Variants in GRM7 observed in about 807,000 individuals in gnomAD.
GRM7 encodes metabotropic glutamate receptor 7.
GRM7 carries 35 observed loss-of-function variants against 84.5 expected under a neutral mutation model. The ratio of observed to expected loss-of-function variants is 0.41; its 90% CI spans 0.32 to 0.55. The LOEUF (loss-of-function observed/expected upper bound fraction) is 0.55, where lower values mean the gene tolerates loss of function less well. GRM7 is among the 20% of genes least tolerant of loss of function. The pLI is 0.19. For missense variants in GRM7, 1,003 were observed against 1,194.6 expected, an observed-to-expected ratio of 0.84 and a Z score of 2.36; for synonymous variants, 487 against 455.1, an observed-to-expected ratio of 1.07 and a Z score of -0.89.
At chr3:7,178,234 A>G (rs1050009851) in intron 2 of GRM7, among the ~76,000 whole-genome samples, 7 of 152,234 alleles carry the variant, frequency 4.6e-5, no homozygotes, top group African/African-American at 1.7e-4. Context: ...TGAAAGTAAC[A>G]TCTCCAATAT....
At chr3:6,884,193 G>T (rs747566022) in intron 1 of GRM7, 1 of 152,574 alleles carries the variant, frequency 6.6e-6, no homozygotes, top group Admixed American at 6.6e-5. Flanking sequence ...AAGTACAGTA[G>T]CTACCTGTTC....
chr3:6,889,008 T>C (rs1407760191), intron 1 of GRM7, among the ~76,000 whole-genome samples: 1 of 152,188 alleles, frequency 6.6e-6, no homozygotes, highest in Admixed American at 6.5e-5. Flanking sequence ...GAATGGGAGT[T>C]CACTCATGAT....
chr3:6,959,456 G>A (rs1159080267), intron 1 of GRM7, among the ~76,000 whole-genome samples: 2 of 151,958 alleles, frequency 1.3e-5, no homozygotes, highest in Non-Finnish European at 2.9e-5. Flanking sequence ...CCCTAATCAT[G>A]GAAAATAAAT....
intron 7 of GRM7, among the ~76,000 whole-genome samples, chr3:7,530,273 T>C (rs889687199): frequency 3.3e-5 from 5 of 152,106 alleles, no homozygotes; most frequent in Non-Finnish European, 7.4e-5. Flanking sequence ...GACATGAACT[T>C]ATCCTTTTTA....
chr3:7,393,988 T>C (rs543169218), intron 4 of GRM7, among the ~76,000 whole-genome samples: 31 of 152,292 alleles, frequency 2.0e-4, no homozygotes, highest in African/African-American at 5.8e-4. Context: ...GTATGTATTT[T>C]ACCTATGTCA....
chr3:7,515,840 G>A (rs1410240079), intron 7 of GRM7, among the ~76,000 whole-genome samples: 4 of 151,952 alleles, frequency 2.6e-5, no homozygotes, highest in African/African-American at 7.3e-5. Context: ...GCATGAGGCT[G>A]ATATAAAAAT....
intron 1 of GRM7, among the ~76,000 whole-genome samples, chr3:7,042,092 T>C (rs924401209): frequency 2.0e-5 from 3 of 152,186 alleles, no homozygotes; most frequent in African/African-American, 7.2e-5. Context: ...CTGTATCCTT[T>C]GTAATATCTT....
At chr3:7,272,967 A>C (rs1272041918) in intron 2 of GRM7, among the ~76,000 whole-genome samples, 3 of 151,796 alleles carry the variant, frequency 2.0e-5, no homozygotes, top group Admixed American at 6.6e-5. Context: ...TTATTTTTTT[A>C]ATACATGCAT....
At chr3:7,047,079 A>G (rs1000867029) in intron 1 of GRM7, among the ~76,000 whole-genome samples, 7 of 151,984 alleles carry the variant, frequency 4.6e-5, no homozygotes, top group Admixed American at 6.6e-5. Context: ...TTGCAATAGT[A>G]TATACCAAGG....
intron 8 of GRM7, among the ~76,000 whole-genome samples, chr3:7,656,047 G>T (rs6796776): frequency 0.11 from 15,989 of 152,142 alleles, 1,411 homozygotes; most frequent in African/African-American, 0.24. Flanking sequence ...AAATGTAAAT[G>T]CATCTGGCAC....
intron 2 of GRM7, among the ~76,000 whole-genome samples, chr3:7,208,930 C>A (rs1324420557): frequency 6.6e-6 from 1 of 152,184 alleles, no homozygotes; most frequent in Admixed American, 6.5e-5. Flanking sequence ...TTCAGTAATA[C>A]TGTCTGTGCA....
intron 7 of GRM7, among the ~76,000 whole-genome samples, chr3:7,550,321 TTCC>T (rs1693389107): frequency 8.0e-6 from 1 of 124,676 alleles, no homozygotes; most frequent in Non-Finnish European, 1.6e-5. Context: ...CCTTCCTGTC[TTCC>T]TCCCTTTCAC....
intron 2 of GRM7, among the ~76,000 whole-genome samples, chr3:7,276,249 GTATA>G (rs879488767): frequency 2.1e-5 from 3 of 143,660 alleles, no homozygotes; most frequent in African/African-American, 2.6e-5. Context: ...GTGTGTGTGT[GTATA>G]TATAATTGTC....
chr3:7,529,217 C>T (rs565494521), intron 7 of GRM7, among the ~76,000 whole-genome samples: 1 of 152,080 alleles, frequency 6.6e-6, no homozygotes, highest in East Asian at 1.9e-4. Flanking sequence ...TGCCAAGCTC[C>T]TATTAGTCAT....
chr3:6,991,165 C>T (rs760942548), intron 1 of GRM7, among the ~76,000 whole-genome samples: 2 of 152,186 alleles, frequency 1.3e-5, no homozygotes, highest in Admixed American at 6.5e-5. Flanking sequence ...CATGAGATTA[C>T]TTCTTCCCTG....
chr3:6,978,340 C>T (rs1013897126), intron 1 of GRM7, among the ~76,000 whole-genome samples: 1 of 152,048 alleles, frequency 6.6e-6, no homozygotes, highest in South Asian at 2.1e-4. Context: ...CCCCCAACAC[C>T]TTGATTATAA....
At chr3:7,595,114 C>G (rs993342724) in intron 8 of GRM7, among the ~76,000 whole-genome samples, 1 of 152,200 alleles carries the variant, frequency 6.6e-6, no homozygotes, top group African/African-American at 2.4e-5. Flanking sequence ...GTGCCTGGCA[C>G]TATCTAGGCC....
intron 4 of GRM7, among the ~76,000 whole-genome samples, chr3:7,336,591 G>A (rs1022561021): frequency 6.6e-6 from 1 of 151,934 alleles, no homozygotes; most frequent in African/African-American, 2.4e-5. Flanking sequence ...TCAGTAAAGA[G>A]GAAGTCAAAC....
chr3:7,564,337 A>C (rs1368280733), intron 7 of GRM7, among the ~76,000 whole-genome samples: 1 of 152,150 alleles, frequency 6.6e-6, no homozygotes, highest in Non-Finnish European at 1.5e-5. Flanking sequence ...ACAGATGAAA[A>C]AAATGAGGTT....
Sources: allele counts gnomAD v4.1 joint callset (sites outside exome capture counted in the v4.1 genomes callset), GRCh38; gene constraint gnomAD v4.1.1; transcripts MANE v1.5; gene names NCBI Gene and HGNC (gene_info 2026-07-23, HGNC 2026-07-21).